The following PDS5B variants were observed in gnomAD, a reference collection of about 807,000 sequenced individuals.
PDS5B encodes the protein PDS5 cohesin associated factor B, also known as sister chromatid cohesion protein PDS5 homolog B.
A neutral mutation model predicts 184.1 loss-of-function variants in PDS5B; 51 were observed. The ratio of observed to expected loss-of-function variants is 0.28; its 90% CI spans 0.22 to 0.35. The LOEUF is 0.35. Among genes scored for constraint, PDS5B ranks in the 10% least tolerant of loss-of-function variants. The pLI is 1.00. For missense variants in PDS5B, 1,180 were observed against 1,723.3 expected (o/e 0.68, Z 5.58); for synonymous variants, 566 against 569.2 (o/e 0.99, Z 0.08).
intron 3 of PDS5B, chr13:32,652,581 A>G (rs1481738614): frequency 3.5e-5 from 2 of 57,262 alleles, no homozygotes; most frequent in Non-Finnish European, 9.6e-5. Context: ...CTACTTTAAA[A>G]AAAAAAAAAA....
intron 19 of PDS5B, among the ~76,000 whole-genome samples, chr13:32,716,005 G>A (rs920959283): frequency 3.9e-5 from 6 of 152,158 alleles, no homozygotes; most frequent in East Asian, 1.9e-4. Context: ...ATCTTGGCTC[G>A]CTACAACCTC....
intron 6 of PDS5B, among the ~76,000 whole-genome samples, chr13:32,661,954 G>A (rs747607051): frequency 1.3e-5 from 2 of 152,100 alleles, no homozygotes; most frequent in African/African-American, 4.8e-5. Flanking sequence ...AACTTTAAAT[G>A]AACCATTTAT....
In PDS5B at chr13:32,741,075, T is replaced by C. The variant is rs1274942027; in HGVS notation, c.2407-5T>C. On this transcript the variant is annotated splice_polypyrimidine_tract_variant and splice_region_variant and intron_variant, in intron 21 of 34. Coordinates refer to ENST00000315596, the MANE Select transcript of PDS5B (RefSeq NM_015032.4). ...GGTTTTTTTTTTTTTCTCGTTTATT[T>C]TTAGCTTCCAGGGAAAAAGACAACT... 6.6e-7 allele frequency: 1 copy of C among 1,516,770 alleles called. No homozygotes were observed. Among genetic ancestry groups the C allele is most frequent in the African/African-American group, 1.4e-5 (1 of 71,986 alleles). 94.0% of individuals were successfully genotyped at this position (1,516,770 alleles called of 1,614,324 possible).
chr13:32,652,271 T>C (rs1950384832), intron 3 of PDS5B: 1 of 299,198 alleles, frequency 3.3e-6, no homozygotes, highest in Non-Finnish European at 6.2e-6. Flanking sequence ...CATTATAATT[T>C]TGGGGGCAAT....
chr13:32,616,242 AC>A (rs1246150240), intron 1 of PDS5B, among the ~76,000 whole-genome samples: 6 of 152,086 alleles, frequency 3.9e-5, no homozygotes, highest in Non-Finnish European at 7.3e-5. Flanking sequence ...TTTAGTAGAG[AC>A]AGGGTTTCAC....
At chr13:32,742,391 A>G (rs1229204055) in intron 22 of PDS5B, among the ~76,000 whole-genome samples, 200 bp from the exon 23 acceptor site, 1 of 152,222 alleles carries the variant, frequency 6.6e-6, no homozygotes, top group Non-Finnish European at 1.5e-5. Context: ...ACTAGTCTTT[A>G]GTCAAATCAT....
chr13:32,701,291 C>CT (rs1566346284), intron 16 of PDS5B, 32 bp from the exon 17 acceptor site: 1 of 1,129,286 alleles, frequency 8.9e-7, no homozygotes, highest in Non-Finnish European at 1.3e-6. Context: ...TTTAAATGTA[C>CT]TTTTGTAATA....
intron 1 of PDS5B, among the ~76,000 whole-genome samples, chr13:32,639,836 C>A (rs1234294820): frequency 6.6e-6 from 1 of 152,188 alleles, no homozygotes; most frequent in African/African-American, 2.4e-5. Context: ...GAAGGAAAAA[C>A]AGCTTTAAAT....
At chr13:32,747,222 A>G (rs1330871922) in intron 24 of PDS5B, among the ~76,000 whole-genome samples, 5 of 152,224 alleles carry the variant, frequency 3.3e-5, no homozygotes, top group Admixed American at 1.3e-4. Flanking sequence ...TACTTTCAGT[A>G]TGAGTTTTTC....
Position 32,701,420 on chromosome 13 carries a change from T to C in PDS5B, c.1838T>C (p.Ile613Thr). The C allele has an allele frequency of 6.3e-7, 1 of 1,595,174 alleles. No homozygotes were observed. Among genetic ancestry groups the C allele is most frequent in the Non-Finnish European group, 8.6e-7 (1 of 1,164,292 alleles). ...TTGGAGAGGATAGCACCTGTGCACA[T>C]AGATACCGAATCTATCAGGTATTTG... ...FLLERIAPVH[I>T]DTESISALIK... The change falls in exon 17 of 35, where the codon ATA (isoleucine) becomes ACA (threonine). Residue 613 changes from isoleucine to threonine, a missense_variant. Ile to Thr is a moderately conservative substitution (Grantham distance 89, BLOSUM62 -1). Around this residue, in one of 11 missense-constraint regions of PDS5B, gnomAD observed 475 missense variants for 691.5 expected, o/e 0.69. Coordinates refer to ENST00000315596, the MANE Select transcript of PDS5B (RefSeq NM_015032.4).
chr13:32,659,204 C>T lies in PDS5B; in HGVS notation c.548C>T (p.Ser183Phe), dbSNP rs1950585785. The change falls in exon 6 of 35, where the codon TCT (serine) becomes TTT (phenylalanine). Residue 183 changes from serine to phenylalanine, a missense_variant. Around this residue, in one of 11 missense-constraint regions of PDS5B, gnomAD observed 79 missense variants for 124.6 expected, o/e 0.63. Transcript: ENST00000315596. ...VHMHMVDLMSSIICEGDTVSQ... is the reference protein window; with the variant it reads ...VHMHMVDLMSFIICEGDTVSQ... ...ATGCACATGGTAGACCTTATGAGCT[C>T]TATTATTTGTGAAGGTGATACAGTG... 1.2e-6 allele frequency: 2 copies of T among 1,602,464 alleles called. No homozygotes were observed. The highest frequency in any genetic ancestry group is 1.3e-5 in the African/African-American group (1 of 74,760).
chr13:32,626,782 A>G (rs1016540753), intron 1 of PDS5B, among the ~76,000 whole-genome samples: 1 of 152,218 alleles, frequency 6.6e-6, no homozygotes, highest in African/African-American at 2.4e-5. Flanking sequence ...GCCAAAATAG[A>G]ATACATAACA....
intron 19 of PDS5B, among the ~76,000 whole-genome samples, chr13:32,729,713 T>C (rs973202411): frequency 4.6e-5 from 7 of 152,246 alleles, no homozygotes; most frequent in African/African-American, 1.7e-4. Flanking sequence ...ATGGGCTTTT[T>C]TTCATATGTT....
rs1192026700 is a variant in PDS5B, at chr13:32,777,578, G to A, written c.*2526G>A. 3.3e-5 allele frequency: 5 copies of A among 152,192 alleles called. No individual in the cohort carries two copies. The highest frequency in any genetic ancestry group is 1.2e-4 in the African/African-American group (5 of 41,388). 9.4% of individuals were successfully genotyped at this position (152,192 alleles called of 1,614,324 possible). A position where few individuals can be genotyped will look rare whatever the true frequency, so the allele number is the denominator to read the frequency against. ...AATGTTCATTTTGAAAATATGTACT[G>A]TATAACATTAAGAAAATATTTAACT... is the stretch of plus-strand genomic sequence containing the variant. On this transcript the variant is annotated 3_prime_UTR_variant, in exon 35 of 35. Coordinates refer to ENST00000315596, the MANE Select transcript of PDS5B (RefSeq NM_015032.4).
intron 16 of PDS5B, 112 bp downstream of exon 16, chr13:32,699,981 T>A: frequency 2.0e-6 from 2 of 989,652 alleles, no homozygotes; most frequent in Admixed American, 7.4e-5. Flanking sequence ...AAATGTCACA[T>A]AAAAATGCAG....
chr13:32,744,437 G>C (rs906429867), intron 23 of PDS5B, among the ~76,000 whole-genome samples: 5 of 152,102 alleles, frequency 3.3e-5, no homozygotes, highest in Non-Finnish European at 7.4e-5. Flanking sequence ...CCTTAAGTGG[G>C]AAGCTTGCAT....
chr13:32,722,158 C>T lies in PDS5B; in HGVS notation c.2124-9943C>T, dbSNP rs1299392540. 2.0e-5 allele frequency among the ~76,000 whole-genome samples: 3 copies of T among 152,234 alleles called. No individual in the cohort carries two copies. In the East Asian group the frequency reaches 5.8e-4, roughly 29 times the overall value. On this transcript the variant is annotated intron_variant, in intron 19 of 34. Transcript: ENST00000315596. ...TCACTTGAGGTCAGGAGCTGGAGAC[C>T]AGCCCAGCCAACACGGCGAAACCCC...
At chr13:32,707,772 A>G (rs187612628) in intron 18 of PDS5B, among the ~76,000 whole-genome samples, 1 of 150,508 alleles carries the variant, frequency 6.6e-6, no homozygotes, top group Non-Finnish European at 1.5e-5. Flanking sequence ...TCTTAGCACC[A>G]TGCCTAGCTC....
chr13:32,618,547 A>G (rs1036872622), intron 1 of PDS5B, among the ~76,000 whole-genome samples: 1 of 152,012 alleles, frequency 6.6e-6, no homozygotes, highest in Non-Finnish European at 1.5e-5. Flanking sequence ...AGGGTTCAGT[A>G]GTATATGTTT....
Sources: allele counts gnomAD v4.1 joint callset (sites outside exome capture counted in the v4.1 genomes callset), GRCh38; gene constraint gnomAD v4.1.1; regional missense constraint gnomAD v4.1.1; transcripts MANE v1.5; gene names NCBI Gene and HGNC (gene_info 2026-07-23, HGNC 2026-07-21).